ANO2: variants seen among roughly 807,000 people sequenced by gnomAD.
ANO2 encodes anoctamin 2, also known as anoctamin-2.
In ANO2, 101 loss-of-function variants were observed where a neutral mutation model predicts 124.2. The observed-to-expected ratio is 0.81, with a 90% CI of 0.69 to 0.96. ANO2 has a LOEUF of 0.96. Among genes scored for constraint, ANO2 ranks in the 40% least tolerant of loss-of-function variants. ANO2 has a pLI of 0.00. For missense variants in ANO2, 1,293 were observed against 1,274.5 expected (o/e 1.01, Z -0.22); for synonymous variants, 486 against 482.5 (o/e 1.01, Z -0.09).
intron 14 of ANO2, among the ~76,000 whole-genome samples, chr12:5,696,815 A>G (rs2137021867): frequency 6.6e-6 from 1 of 152,370 alleles, no homozygotes; most frequent in East Asian, 1.9e-4. Flanking sequence ...AGAGTTTAAG[A>G]TTTGCATTAG....
intron 1 of ANO2, among the ~76,000 whole-genome samples, chr12:5,935,996 T>C (rs1211175551): frequency 2.0e-5 from 3 of 152,258 alleles, no homozygotes; most frequent in African/African-American, 4.8e-5. Context: ...ACCAATAATG[T>C]TGAACATCTT....
At chr12:5,663,837 G>A (rs944217264) in intron 14 of ANO2, among the ~76,000 whole-genome samples, 3 of 152,218 alleles carry the variant, frequency 2.0e-5, no homozygotes, top group African/African-American at 7.2e-5. Context: ...CACTGGTGCA[G>A]TGGCCCTACT....
chr12:5,900,332 G>A lies in ANO2; in HGVS notation c.534+20708C>T, dbSNP rs1307386468. ...TGGAACACATGGTTGTTTGGATCAG[G>A]CATCCGTTTCTGAGCCCCTCCTAGT... On this transcript the variant is annotated intron_variant, in intron 3 of 24. Coordinates refer to ENST00000682330, the MANE Select transcript of ANO2 (RefSeq NM_001364791.2). This position sits in a 1 kb window ranked among gnomAD's most constrained non-coding sequence, Gnocchi z 4.2. Among the ~76,000 whole-genome samples, 2 of 152,196 alleles carry A rather than the reference G, an allele frequency of 1.3e-5. No homozygotes were observed. Among genetic ancestry groups the A allele is most frequent in the Non-Finnish European group, 2.9e-5 (2 of 68,044 alleles).
intron 3 of ANO2, among the ~76,000 whole-genome samples, chr12:5,889,265 C>T (rs868236097): frequency 3.9e-5 from 6 of 152,356 alleles, no homozygotes; most frequent in Middle Eastern, 3.4e-3. Flanking sequence ...GGAGCCGACT[C>T]CGGCCTCGGC....
At position 5,833,235 on chromosome 12, in the gene ANO2, T is replaced by C. The variant is rs144227877; in HGVS notation, c.634-632A>G. On this transcript the variant is annotated intron_variant, in intron 4 of 24. Transcript: ENST00000682330. ...GTACCTGCCTTGAGTAAGGCATAGA[T>C]TTAGTACCAAGGTAATTGTTAATAT... Among the ~76,000 whole-genome samples the C allele has an allele frequency of 4.7e-3, 717 of 152,340 alleles. 7 individuals carry two copies. Among genetic ancestry groups the C allele is most frequent in the African/African-American group, 0.016 (679 of 41,578 alleles).
intron 15 of ANO2, among the ~76,000 whole-genome samples, chr12:5,638,713 A>G (rs1004746458): frequency 2.0e-5 from 3 of 151,932 alleles, no homozygotes; most frequent in African/African-American, 4.8e-5. Flanking sequence ...CTCCCGTAGA[A>G]CTGGTTTGGT....
chr12:5,847,059 A>G (rs768860120), intron 4 of ANO2, among the ~76,000 whole-genome samples: 2 of 152,186 alleles, frequency 1.3e-5, no homozygotes, highest in Non-Finnish European at 2.9e-5. Flanking sequence ...GGGTGTATCT[A>G]TGAGAGTGTT....
intron 3 of ANO2, among the ~76,000 whole-genome samples, chr12:5,879,073 C>G (rs1466088422): frequency 6.6e-6 from 1 of 152,202 alleles, no homozygotes; most frequent in Non-Finnish European, 1.5e-5. Flanking sequence ...TCATCCTTCT[C>G]CACTTAAAAC....
intron 14 of ANO2, among the ~76,000 whole-genome samples, chr12:5,726,033 A>G (rs1160563117): frequency 2.0e-5 from 3 of 151,986 alleles, no homozygotes; most frequent in Non-Finnish European, 4.4e-5. Context: ...GAGCTTTACC[A>G]TCTTGTAGGA....
intron 15 of ANO2, among the ~76,000 whole-genome samples, chr12:5,641,235 G>A (rs554140519): frequency 6.7e-6 from 1 of 148,346 alleles, no homozygotes; most frequent in Non-Finnish European, 1.5e-5. Context: ...GGGGTGGGGG[G>A]CAGGGGGAGG....
intron 10 of ANO2, among the ~76,000 whole-genome samples, chr12:5,782,463 A>G (rs560082286): frequency 4.6e-5 from 7 of 152,220 alleles, no homozygotes; most frequent in Non-Finnish European, 1.0e-4. Context: ...TAAGTTTCCT[A>G]CCTATCTCGC....
intron 3 of ANO2, among the ~76,000 whole-genome samples, chr12:5,879,292 G>A (rs2137293890): frequency 6.6e-6 from 1 of 152,284 alleles, no homozygotes; most frequent in South Asian, 2.1e-4. Context: ...AAGAAACAAA[G>A]CCAATTTCAG....
intron 16 of ANO2, among the ~76,000 whole-genome samples, chr12:5,621,142 G>A (rs1004515541): frequency 6.6e-6 from 1 of 151,986 alleles, no homozygotes; most frequent in Non-Finnish European, 1.5e-5. Context: ...GAACCCTCGC[G>A]CTCGCCACAC....
At chr12:5,923,163 T>TACAC (rs60529043) in intron 1 of ANO2, among the ~76,000 whole-genome samples, 655 of 16,116 alleles carry the variant, frequency 0.041, 103 homozygotes, top group East Asian at 0.071. Flanking sequence ...CACACACGCA[T>TACAC]ACACACACAC....
intron 1 of ANO2, among the ~76,000 whole-genome samples, chr12:5,926,155 G>A (rs1202290212): frequency 1.3e-5 from 2 of 152,218 alleles, no homozygotes; most frequent in Non-Finnish European, 2.9e-5. Context: ...AAGCAGCCTT[G>A]ATAGCTGTTC....
At chr12:5,751,439 C>A (rs1951436584) in intron 10 of ANO2, among the ~76,000 whole-genome samples, 1 of 152,210 alleles carries the variant, frequency 6.6e-6, no homozygotes, top group African/African-American at 2.4e-5. Context: ...AACATACACA[C>A]ACTTACTGAA....
intron 3 of ANO2, among the ~76,000 whole-genome samples, chr12:5,875,084 T>C (rs1938000727): frequency 6.6e-6 from 1 of 152,218 alleles, no homozygotes; most frequent in African/African-American, 2.4e-5. Context: ...CTCTCATCAC[T>C]GAAATTGTTT....
intron 7 of ANO2, among the ~76,000 whole-genome samples, chr12:5,817,571 C>T (rs532427946): frequency 1.2e-3 from 176 of 152,060 alleles, no homozygotes; most frequent in Middle Eastern, 3.4e-3. Context: ...TGGAGGACAG[C>T]GATGTTTGAT....
At chr12:5,784,199 T>C (rs1225173869) in intron 10 of ANO2, among the ~76,000 whole-genome samples, 2 of 152,060 alleles carry the variant, frequency 1.3e-5, no homozygotes, top group Non-Finnish European at 2.9e-5. Flanking sequence ...ACCCAACTCA[T>C]AGCAATTCAT....
Sources: allele counts gnomAD v4.1 joint callset (sites outside exome capture counted in the v4.1 genomes callset), GRCh38; gene constraint gnomAD v4.1.1; non-coding constraint Gnocchi (gnomAD v3.1); transcripts MANE v1.5; gene names NCBI Gene and HGNC (gene_info 2026-07-23, HGNC 2026-07-21).